The following PTPRD variants were observed in gnomAD, a reference collection of about 807,000 sequenced individuals.
The protein encoded by PTPRD is receptor-type tyrosine-protein phosphatase delta.
PTPRD carries 34 observed loss-of-function variants against 214.5 expected under a neutral mutation model. That is an observed-to-expected ratio of 0.16 (90% CI 0.12 to 0.21). PTPRD has a LOEUF of 0.21. Ranked by LOEUF, PTPRD falls within the 10% of genes least tolerant of loss-of-function variation. The pLI is 1.00. For synonymous variants in PTPRD, 1,128 were observed against 845.7 expected (o/e 1.33, Z -5.79); for missense variants, 2,545 against 2,398.7 (o/e 1.06, Z -1.27).
At chr9:10,092,625 A>C (rs2098443554) in intron 3 of PTPRD, among the ~76,000 whole-genome samples, 1 of 151,580 alleles carries the variant, frequency 6.6e-6, no homozygotes, top group African/African-American at 2.4e-5. Context: ...CTAAAATTCA[A>C]AAAAGAGCCC....
intron 2 of PTPRD, among the ~76,000 whole-genome samples, chr9:10,479,884 G>C (rs186959507): frequency 7.2e-5 from 11 of 152,180 alleles, no homozygotes; most frequent in Admixed American, 3.9e-4. Context: ...TGTTTCAAGA[G>C]TCTTCAATCT....
At chr9:8,444,848 G>A (rs1244095445) in intron 34 of PTPRD, among the ~76,000 whole-genome samples, 1 of 152,052 alleles carries the variant, frequency 6.6e-6, no homozygotes, top group African/African-American at 2.4e-5. Flanking sequence ...TTGCAAATGG[G>A]GCTAACACAG....
At position 10,208,277 on chromosome 9, in the gene PTPRD, G is replaced by A. The variant is rs1020919329; in HGVS notation, c.-545+132686C>T. ...GGCCCGTAATCCCAGCACTTTGGGT[G>A]GCCGAGGAGGGCGGATCACGAGGTC... On this transcript the variant is annotated intron_variant, in intron 3 of 45. Transcript: ENST00000381196. 3.9e-5 allele frequency among the ~76,000 whole-genome samples: 6 copies of A among 152,326 alleles called. No individual in the cohort carries two copies. The South Asian group carries it at 1.0e-3, about 26-fold the overall frequency.
At chr9:10,056,460 T>A (rs1174999656) in intron 3 of PTPRD, among the ~76,000 whole-genome samples, 1 of 152,048 alleles carries the variant, frequency 6.6e-6, no homozygotes, top group Non-Finnish European at 1.5e-5. Flanking sequence ...AAAAAACTAT[T>A]GAATAAAGAA....
rs573257957 is a variant in PTPRD, at chr9:9,208,985, C to T, written c.-202-25622G>A. ...AATATGCCTGGCTAATTTTTTTGTG[C>T]TTTTAGTAGAGACAGGGTTTCACCA... On this transcript the variant is annotated intron_variant, in intron 9 of 45. Coordinates refer to ENST00000381196, the MANE Select transcript of PTPRD (RefSeq NM_002839.4). 6.0e-3 allele frequency among the ~76,000 whole-genome samples: 908 copies of T among 151,712 alleles called. 7 individuals are homozygous for T. Among genetic ancestry groups the T allele is most frequent in the Middle Eastern group, 0.01 (3 of 294 alleles).
intron 9 of PTPRD, among the ~76,000 whole-genome samples, chr9:9,204,821 A>T (rs1170556682): frequency 6.6e-6 from 1 of 152,178 alleles, no homozygotes; most frequent in East Asian, 1.9e-4. Flanking sequence ...AAAGAAACCT[A>T]TCAGAACCAT....
chr9:9,653,389 G>T (rs60150247), intron 7 of PTPRD, among the ~76,000 whole-genome samples: 1 of 99,168 alleles, frequency 1.0e-5, no homozygotes, highest in South Asian at 3.5e-4. Flanking sequence ...AAAAAAAAGT[G>T]CCTCATTCTC....
chr9:9,939,118 G>C (rs2090605050), intron 4 of PTPRD, among the ~76,000 whole-genome samples: 1 of 151,890 alleles, frequency 6.6e-6, no homozygotes, highest in South Asian at 2.1e-4. Context: ...CTCAACTTGA[G>C]AGACACTGAT....
At chr9:10,331,690 A>G (rs1292206150) in intron 3 of PTPRD, among the ~76,000 whole-genome samples, 1 of 151,778 alleles carries the variant, frequency 6.6e-6, no homozygotes, top group Non-Finnish European at 1.5e-5. Context: ...TTGCCACCAA[A>G]AAGACTCCCA....
chr9:8,756,877 A>G (rs2094026599), intron 11 of PTPRD, among the ~76,000 whole-genome samples: 1 of 152,158 alleles, frequency 6.6e-6, no homozygotes, highest in Non-Finnish European at 1.5e-5. Context: ...GCTGTGGCTC[A>G]AGCATGTAAT....
chr9:8,556,156 GC>G (rs1388997043), intron 14 of PTPRD, among the ~76,000 whole-genome samples: 1 of 152,174 alleles, frequency 6.6e-6, no homozygotes, highest in African/African-American at 2.4e-5. Context: ...CACTGAGAAA[GC>G]TAAAAATTTA....
intron 14 of PTPRD, among the ~76,000 whole-genome samples, chr9:8,600,881 G>A (rs997425278): frequency 3.3e-5 from 5 of 151,986 alleles, no homozygotes; most frequent in Admixed American, 6.6e-5. Flanking sequence ...GAGAAAAGCA[G>A]AGGGAAAAAT....
At chr9:10,244,235 T>C (rs921117675) in intron 3 of PTPRD, among the ~76,000 whole-genome samples, 1 of 152,100 alleles carries the variant, frequency 6.6e-6, no homozygotes, top group Non-Finnish European at 1.5e-5. Context: ...ACATCAAACA[T>C]ACATCTTCAT....
At chr9:9,895,759 G>C (rs79138127) in intron 5 of PTPRD, among the ~76,000 whole-genome samples, 4,863 of 152,142 alleles carry the variant, frequency 0.032, 121 homozygotes, top group African/African-American at 0.065. Flanking sequence ...GTAAAATGAA[G>C]GACTAGTAGC....
chr9:9,012,089 A>T (rs747035041), intron 11 of PTPRD, among the ~76,000 whole-genome samples: 6 of 152,166 alleles, frequency 3.9e-5, no homozygotes, highest in Non-Finnish European at 7.4e-5. Flanking sequence ...GGGCCTATGG[A>T]AAAAGCTATA....
At position 10,266,587 on chromosome 9, in the gene PTPRD, A is replaced by G. The variant is rs114850054; in HGVS notation, c.-545+74376T>C. ...TTATTTTTACTGTAAAATTGCACTGATAACATCAAGTGTATTTGTGCGGCA... is the reference window on the plus strand; with the variant it reads ...TTATTTTTACTGTAAAATTGCACTGGTAACATCAAGTGTATTTGTGCGGCA... On this transcript the variant is annotated intron_variant, in intron 3 of 45. Coordinates refer to ENST00000381196, the MANE Select transcript of PTPRD (RefSeq NM_002839.4). 9.2e-3 allele frequency among the ~76,000 whole-genome samples: 1,408 copies of G among 152,324 alleles called. 26 individuals are homozygous for G. Among genetic ancestry groups the G allele is most frequent in the African/African-American group, 0.032 (1,332 of 41,554 alleles).
At chr9:9,928,187 T>A (rs1368446124) in intron 5 of PTPRD, among the ~76,000 whole-genome samples, 3 of 152,308 alleles carry the variant, frequency 2.0e-5, no homozygotes, top group Admixed American at 6.5e-5. Context: ...TGCTGCATGA[T>A]GTTAGCTGCA....
rs902226570 is a variant in PTPRD, at chr9:8,341,681, C to T, written c.4947+12G>A. 6 of 1,612,500 alleles carry T rather than the reference C, an allele frequency of 3.7e-6. No homozygotes were observed. Among genetic ancestry groups the T allele is most frequent in the East Asian group, 4.5e-5 (2 of 44,840 alleles). On this transcript the variant is annotated intron_variant, in intron 40 of 45. Coordinates refer to ENST00000381196, the MANE Select transcript of PTPRD (RefSeq NM_002839.4). ...TTGCTCCTGAATAACCACATCACAT[C>T]CAATACCATACCTTAAATTCGAGCT...
At chr9:10,583,563 T>G (rs1242701446) in intron 2 of PTPRD, among the ~76,000 whole-genome samples, 1 of 151,998 alleles carries the variant, frequency 6.6e-6, no homozygotes, top group Admixed American at 6.6e-5. Context: ...ACCATTCTCC[T>G]GCCTCAGCCT....
Sources: gnomAD v4.1 joint callset for allele counts (sites outside exome capture counted in the v4.1 genomes callset) on GRCh38, gnomAD v4.1.1 for gene constraint, MANE v1.5 for transcripts, NCBI Gene and HGNC (gene_info 2026-07-23, HGNC 2026-07-21) for gene names.